Variants in ANKRD28 observed in about 807,000 individuals in gnomAD.
ANKRD28 encodes ankyrin repeat domain 28.
ANKRD28 carries 44 observed loss-of-function variants against 126.5 expected under a neutral mutation model. That is an observed-to-expected ratio of 0.35 (90% CI 0.27 to 0.45). ANKRD28 has a LOEUF of 0.45. Ranked by LOEUF, ANKRD28 falls within the 20% of genes least tolerant of loss-of-function variation. The pLI, the probability that ANKRD28 is intolerant of heterozygous loss-of-function variation, is 1.00. For synonymous variants in ANKRD28, 442 were observed against 468.5 expected, an observed-to-expected ratio of 0.94 and a Z score of 0.73; for missense variants, 1,110 against 1,316.6, an observed-to-expected ratio of 0.84 and a Z score of 2.43.
chr3:15,743,596 ACAC>A (rs369125166), intron 4 of ANKRD28, among the ~76,000 whole-genome samples: 369 of 151,272 alleles, frequency 2.4e-3, no homozygotes, highest in African/African-American at 8.4e-3. Flanking sequence ...ACACACACGC[ACAC>A]CAAAAACAAA....
chr3:15,783,156 C>G (rs1201338471), intron 2 of ANKRD28, among the ~76,000 whole-genome samples: 1 of 151,258 alleles, frequency 6.6e-6, no homozygotes, highest in Non-Finnish European at 1.5e-5. Flanking sequence ...AGCCACAGAT[C>G]GAGGATTTGT....
chr3:15,676,863 G>T, intron 26 of ANKRD28, 111 bp downstream of exon 26: 2 of 746,414 alleles, frequency 2.7e-6, no homozygotes, highest in Non-Finnish European at 4.2e-6. Flanking sequence ...TATTAAAATT[G>T]CTTCTATGAC....
At chr3:15,678,792 G>C (rs2067222526) in intron 23 of ANKRD28, among the ~76,000 whole-genome samples, 1 of 152,096 alleles carries the variant, frequency 6.6e-6, no homozygotes, top group Non-Finnish European at 1.5e-5. Context: ...TGTTAAAATA[G>C]TTTAAAGGAG....
intron 4 of ANKRD28, among the ~76,000 whole-genome samples, chr3:15,749,359 G>A (rs868465424): frequency 5.9e-5 from 9 of 151,648 alleles, no homozygotes; most frequent in South Asian, 2.1e-4. Context: ...TGATCCACCC[G>A]CCTCGGCCTC....
intron 18 of ANKRD28, 184 bp downstream of exon 18, chr3:15,689,835 G>A (rs759543680): frequency 3.0e-5 from 17 of 562,830 alleles, no homozygotes; most frequent in Admixed American, 1.2e-4. Context: ...TATGAATGAC[G>A]GAGGCTTTGT....
At chr3:15,778,741 CAT>C (rs1203470327) in intron 2 of ANKRD28, among the ~76,000 whole-genome samples, 1 of 152,174 alleles carries the variant, frequency 6.6e-6, no homozygotes, top group Non-Finnish European at 1.5e-5. Flanking sequence ...TGCCAGATGA[CAT>C]AAACTAATCA....
chr3:15,724,979 T>G (rs1307828900), intron 6 of ANKRD28, among the ~76,000 whole-genome samples: 1 of 152,104 alleles, frequency 6.6e-6, no homozygotes, highest in Non-Finnish European at 1.5e-5. Context: ...AGGCCTTATC[T>G]CGAAACAAAA....
chr3:15,746,206 C>A (rs550323146), intron 4 of ANKRD28, among the ~76,000 whole-genome samples: 2 of 152,204 alleles, frequency 1.3e-5, no homozygotes, highest in East Asian at 3.9e-4. Flanking sequence ...TTATTTCATT[C>A]TCTTGTCTGA....
At chr3:15,688,418 T>G (rs149602784) in intron 18 of ANKRD28, among the ~76,000 whole-genome samples, 1 of 152,310 alleles carries the variant, frequency 6.6e-6, no homozygotes, top group Non-Finnish European at 1.5e-5. Context: ...GCCACCAAGT[T>G]TGGCTTTGCA....
intron 1 of ANKRD28, among the ~76,000 whole-genome samples, chr3:15,821,523 T>C (rs2060941312): frequency 6.6e-6 from 1 of 152,122 alleles, no homozygotes; most frequent in Non-Finnish European, 1.5e-5. Flanking sequence ...AACATCACAA[T>C]ATATAGCAGA....
At chr3:15,697,232 T>C (rs2069733992) in intron 14 of ANKRD28, 1 of 152,612 alleles carries the variant, frequency 6.6e-6, no homozygotes, top group Non-Finnish European at 1.5e-5. Flanking sequence ...GTGGGAGCTA[T>C]GAGGAGACGC....
rs2072777734 is a variant in ANKRD28 at position 15,714,602 on chromosome 3, G to A, written c.1051C>T (p.Arg351Ter). The A allele has an allele frequency of 6.3e-7, 1 of 1,595,596 alleles. No individual in the cohort carries two copies. The highest frequency in any genetic ancestry group is 8.5e-7 in the Non-Finnish European group (1 of 1,174,382). ...HMTALHGRFS[R>*]SQTIIQSGAV... Reference sequence around the variant, plus strand: ...CCACTCTGGATAATGGTTTGTGATCGGGAGAATCTACCGTGGAGAGCAGTC... The same window carrying A: ...CCACTCTGGATAATGGTTTGTGATCAGGAGAATCTACCGTGGAGAGCAGTC... Residue 351 changes from arginine (R) to a stop codon, truncating the protein, a stop_gained, in exon 9 of 28, where the codon CGA (arginine) becomes TGA (stop). Coordinates refer to ENST00000683139, the MANE Select transcript of ANKRD28 (RefSeq NM_001349278.2). LOFTEE classifies it high-confidence loss of function.
chr3:15,719,212 T>A (rs1401191360), intron 8 of ANKRD28, among the ~76,000 whole-genome samples: 1 of 152,196 alleles, frequency 6.6e-6, no homozygotes, highest in Non-Finnish European at 1.5e-5. Context: ...AATGGCCTAA[T>A]TACAGATGGA....
chr3:15,731,513 G>A (rs1312400843), intron 6 of ANKRD28, among the ~76,000 whole-genome samples: 3 of 152,234 alleles, frequency 2.0e-5, no homozygotes, highest in Middle Eastern at 6.8e-3. Context: ...GATGCAATAC[G>A]GAACTTGCTT....
rs541576125 is a variant in ANKRD28, at chr3:15,824,150, T to C, written c.28-28844A>G. 4.6e-4 allele frequency among the ~76,000 whole-genome samples: 70 copies of C among 152,354 alleles called. No individual in the cohort carries two copies. In the South Asian group the frequency reaches 4.8e-3, roughly 10 times the overall value. On this transcript the variant is annotated intron_variant, in intron 1 of 27. Coordinates refer to the ANKRD28 transcript ENST00000399451. ...CTATTTGCAGATATGATGTTATACA[T>C]AGAAAATCCTAAAGAATGTTTTGTT...
intron 2 of ANKRD28, among the ~76,000 whole-genome samples, chr3:15,791,635 A>G (rs565090752): frequency 3.9e-5 from 6 of 152,084 alleles, no homozygotes; most frequent in African/African-American, 1.4e-4. Flanking sequence ...AAATACTTCA[A>G]ACTGAATCTA....
rs567225865 is a variant in ANKRD28 at position 15,838,456 on chromosome 3, G to A, written c.27+20921C>T. Among the ~76,000 whole-genome samples, 1 of 152,216 alleles carries A rather than the reference G, an allele frequency of 6.6e-6. No individual in the cohort carries two copies. The highest frequency in any genetic ancestry group is 1.5e-5 in the Non-Finnish European group (1 of 68,014). ...AGCGATTCTACTCAAGAATCTTTGT[G>A]GCCAGGCATGGTGGGCTCACACCTA... is the stretch of plus-strand genomic sequence containing the variant. On this transcript the variant is annotated intron_variant, in intron 1 of 27. Coordinates refer to the ANKRD28 transcript ENST00000399451. This position sits in a 1 kb window ranked among gnomAD's most constrained non-coding sequence, Gnocchi z 4.0.
chr3:15,847,559 C>T (rs2061555039), intron 1 of ANKRD28, among the ~76,000 whole-genome samples: 3 of 152,154 alleles, frequency 2.0e-5, no homozygotes, highest in Admixed American at 1.3e-4. Flanking sequence ...ACTGAATTCA[C>T]CTCACCTTCA....
intron 2 of ANKRD28, among the ~76,000 whole-genome samples, chr3:15,790,586 C>G (rs879374217): frequency 6.6e-6 from 1 of 151,942 alleles, no homozygotes; most frequent in Non-Finnish European, 1.5e-5. Flanking sequence ...TTAAAAAATT[C>G]AATATCCCTT....
Sources: allele counts gnomAD v4.1 joint callset (sites outside exome capture counted in the v4.1 genomes callset), GRCh38; gene constraint gnomAD v4.1.1; non-coding constraint Gnocchi (gnomAD v3.1); transcripts MANE v1.5; gene names NCBI Gene and HGNC (gene_info 2026-07-23, HGNC 2026-07-21).